Variants in ZNF407 observed in about 807,000 individuals in gnomAD.
ZNF407 encodes the protein zinc finger protein 407.
ZNF407 carries 17 observed loss-of-function variants against 131.2 expected under a neutral mutation model. The ratio of observed to expected loss-of-function variants is 0.13; its 90% CI spans 0.09 to 0.19. The LOEUF is 0.19. Among genes scored for constraint, ZNF407 ranks in the 10% least tolerant of loss-of-function variants. The pLI is 1.00. For synonymous variants in ZNF407, 1,156 were observed against 1,062.0 expected (o/e 1.09, Z -1.72); for missense variants, 2,681 against 2,830.6 (o/e 0.95, Z 1.20).
intron 3 of ZNF407, among the ~76,000 whole-genome samples, chr18:74,735,466 C>T (rs7227977): frequency 0.9 from 136,984 of 152,206 alleles, 61,667 homozygotes; most frequent in Non-Finnish European, 0.9. Flanking sequence ...TGAGACAGTA[C>T]TAGTTCTTAC....
At chr18:74,941,089 G>T (rs1471641586) in intron 8 of ZNF407, among the ~76,000 whole-genome samples, 6 of 151,618 alleles carry the variant, frequency 4.0e-5, no homozygotes, top group African/African-American at 1.5e-4. Flanking sequence ...TCCTTGCCTT[G>T]CCCTGCTGCC....
intron 3 of ZNF407, among the ~76,000 whole-genome samples, chr18:74,679,070 AGC>A (rs1365782926): frequency 1.1e-4 from 17 of 152,258 alleles, no homozygotes; most frequent in South Asian, 2.1e-4. Context: ...GTGGGGACTC[AGC>A]GGTTAAAAAA....
At chr18:75,008,009 AG>A (rs34974501) in intron 8 of ZNF407, among the ~76,000 whole-genome samples, 25 of 152,200 alleles carry the variant, frequency 1.6e-4, no homozygotes, top group African/African-American at 5.8e-4. Context: ...CACAGGCTCA[AG>A]GGGAATAAGT....
At chr18:74,619,975 C>T (rs1055371164) in intron 1 of ZNF407, among the ~76,000 whole-genome samples, 9 of 151,360 alleles carry the variant, frequency 5.9e-5, no homozygotes, top group African/African-American at 2.2e-4. Flanking sequence ...CTGCTTAACT[C>T]GTAGAATTGC....
intron 4 of ZNF407, among the ~76,000 whole-genome samples, chr18:74,802,559 T>G (rs959054646): frequency 3.3e-5 from 5 of 152,228 alleles, no homozygotes; most frequent in African/African-American, 1.2e-4. Flanking sequence ...GCAGAATAAT[T>G]GTAAGATTTC....
At chr18:74,848,282 A>G (rs941223462) in intron 4 of ZNF407, among the ~76,000 whole-genome samples, 2 of 152,232 alleles carry the variant, frequency 1.3e-5, no homozygotes, top group Non-Finnish European at 2.9e-5. Context: ...AAGGAAGTTT[A>G]TCAATGATTT....
chr18:74,719,865 A>G (rs1286669710), intron 3 of ZNF407, among the ~76,000 whole-genome samples: 2 of 152,124 alleles, frequency 1.3e-5, no homozygotes, highest in East Asian at 3.9e-4. Context: ...GTAATACTCC[A>G]TTGCGTATAT....
chr18:74,705,336 G>A (rs1335720804), intron 3 of ZNF407, among the ~76,000 whole-genome samples: 1 of 152,124 alleles, frequency 6.6e-6, no homozygotes, highest in African/African-American at 2.4e-5. Flanking sequence ...TAAATCAGTG[G>A]CAGCATGCAC....
intron 3 of ZNF407, among the ~76,000 whole-genome samples, chr18:74,763,906 G>C (rs1261253553): frequency 6.6e-6 from 1 of 151,286 alleles, no homozygotes; most frequent in African/African-American, 2.4e-5. Flanking sequence ...GTAGAGACGG[G>C]GTTTCACCGT....
At chr18:74,753,664 T>C (rs1968859848) in intron 3 of ZNF407, among the ~76,000 whole-genome samples, 1 of 152,220 alleles carries the variant, frequency 6.6e-6, no homozygotes, top group African/African-American at 2.4e-5. Context: ...GTTTATTGAT[T>C]TGTGTATGTT....
intron 4 of ZNF407, among the ~76,000 whole-genome samples, chr18:74,800,198 C>T (rs1434267349): frequency 6.6e-6 from 1 of 151,938 alleles, no homozygotes; most frequent in Non-Finnish European, 1.5e-5. Flanking sequence ...AAAAGATAGA[C>T]TTACTTAAAT....
At chr18:74,659,698 G>T (rs950676347) in intron 3 of ZNF407, among the ~76,000 whole-genome samples, 1 of 152,112 alleles carries the variant, frequency 6.6e-6, no homozygotes, top group African/African-American at 2.4e-5. Flanking sequence ...TTGAGTTAGC[G>T]GCAAAGTAAA....
At chr18:74,793,386 T>G (rs1038054783) in intron 4 of ZNF407, among the ~76,000 whole-genome samples, 9 of 152,222 alleles carry the variant, frequency 5.9e-5, no homozygotes, top group Admixed American at 4.6e-4. Context: ...AAGGTAGTTT[T>G]GTGTCTTGAG....
intron 4 of ZNF407, among the ~76,000 whole-genome samples, chr18:74,828,207 T>A (rs1970434887): frequency 6.6e-6 from 1 of 152,214 alleles, no homozygotes. Context: ...TGACTTCTGG[T>A]TGGCTTTGGT....
intron 8 of ZNF407, among the ~76,000 whole-genome samples, chr18:75,054,801 G>A (rs1973542448): frequency 6.6e-6 from 1 of 152,222 alleles, no homozygotes; most frequent in Admixed American, 6.5e-5. Context: ...AAGCAGGGGG[G>A]CGCTATTTGT....
chr18:74,694,302 C>T (rs1046490392), intron 3 of ZNF407, among the ~76,000 whole-genome samples: 1 of 152,152 alleles, frequency 6.6e-6, no homozygotes, highest in Non-Finnish European at 1.5e-5. Context: ...CGTTTCGTGT[C>T]TCTTCCGAAG....
chr18:74,847,733 T>C (rs1970721335), intron 4 of ZNF407, among the ~76,000 whole-genome samples: 1 of 152,208 alleles, frequency 6.6e-6, no homozygotes, highest in African/African-American at 2.4e-5. Flanking sequence ...TGTGTGACCA[T>C]GTTTGTTTCC....
intron 4 of ZNF407, among the ~76,000 whole-genome samples, chr18:74,862,433 A>G (rs980186652): frequency 6.6e-6 from 1 of 152,242 alleles, no homozygotes; most frequent in Non-Finnish European, 1.5e-5. Context: ...ATAAAAAAAA[A>G]TTAAATCATA....
chr18:74,840,526 T>A (rs1970617282), intron 4 of ZNF407, among the ~76,000 whole-genome samples: 1 of 152,168 alleles, frequency 6.6e-6, no homozygotes, highest in Non-Finnish European at 1.5e-5. Context: ...CCACAAGTGC[T>A]TGCCTCTCTT....
Sources: allele counts gnomAD v4.1 joint callset (sites outside exome capture counted in the v4.1 genomes callset), GRCh38; gene constraint gnomAD v4.1.1; transcripts MANE v1.5; gene names NCBI Gene and HGNC (gene_info 2026-07-23, HGNC 2026-07-21).